PREX2: variants seen among roughly 807,000 people sequenced by gnomAD.
The protein encoded by PREX2 is phosphatidylinositol 3,4,5-trisphosphate-dependent Rac exchanger 2 protein.
PREX2 carries 107 observed loss-of-function variants against 203.2 expected under a neutral mutation model. That is an observed-to-expected ratio of 0.53 (90% CI 0.45 to 0.62). PREX2 has a LOEUF of 0.62. Ranked by LOEUF, PREX2 falls within the 20% of genes least tolerant of loss-of-function variation. PREX2 has a pLI of 0.00. For missense variants in PREX2, 1,777 were observed against 1,955.9 expected (o/e 0.91, Z 1.72); for synonymous variants, 672 against 663.6 (o/e 1.01, Z -0.19).
intron 1 of PREX2, among the ~76,000 whole-genome samples, chr8:68,009,470 T>C (rs1057305571): frequency 6.6e-6 from 1 of 152,214 alleles, no homozygotes; most frequent in African/African-American, 2.4e-5. Context: ...TCTATATAAG[T>C]ATTTGTATAA....
chr8:68,076,724 C>CACACAT (rs1303306098), intron 14 of PREX2, among the ~76,000 whole-genome samples: 1 of 145,892 alleles, frequency 6.9e-6, no homozygotes, highest in Non-Finnish European at 1.5e-5. Flanking sequence ...CACACACACA[C>CACACAT]ATGCATGTTC....
chr8:68,055,978 G>GGGTTGGGA lies in PREX2; in HGVS notation c.1238+6_1238+13dup. ...TCCCTAAATGCTTTCTTGGAAGGTA[G>GGGTTGGGA]GGTTGGGAGTTTGGGTGCATGACTT... On this transcript the variant is annotated splice_donor_region_variant and intron_variant, in intron 10 of 39. Transcript: ENST00000288368. The GGGTTGGGA allele has an allele frequency of 1.2e-6, 2 of 1,605,466 alleles. No homozygotes were observed. Among genetic ancestry groups the GGGTTGGGA allele is most frequent in the Non-Finnish European group, 1.7e-6 (2 of 1,177,574 alleles).
At chr8:68,048,006 G>A (rs865960422) in intron 8 of PREX2, among the ~76,000 whole-genome samples, 11 of 151,994 alleles carry the variant, frequency 7.2e-5, no homozygotes, top group Middle Eastern at 3.4e-3. Flanking sequence ...TTAAATGATG[G>A]TATGATGTGC....
At chr8:68,156,434 T>A (rs752097583) in intron 34 of PREX2, among the ~76,000 whole-genome samples, 1 of 152,242 alleles carries the variant, frequency 6.6e-6, no homozygotes, top group Non-Finnish European at 1.5e-5. Flanking sequence ...ATGTGTCATA[T>A]GTAATAGACG....
chr8:68,087,944 G>A, intron 19 of PREX2, 135 bp downstream of exon 19: 1 of 662,692 alleles, frequency 1.5e-6, no homozygotes, highest in Non-Finnish European at 2.7e-6. Flanking sequence ...TTAACTCAAT[G>A]GTAGCACATT....
chr8:68,214,116 T>C (rs1341230314), intron 37 of PREX2, among the ~76,000 whole-genome samples: 1 of 152,268 alleles, frequency 6.6e-6, no homozygotes, highest in Non-Finnish European at 1.5e-5. Flanking sequence ...AAACTCCATA[T>C]TGGGCTGGGC....
At chr8:67,996,404 A>G (rs976131666) in intron 1 of PREX2, among the ~76,000 whole-genome samples, 1 of 151,762 alleles carries the variant, frequency 6.6e-6, no homozygotes, top group Non-Finnish European at 1.5e-5. Flanking sequence ...ATGTTGCCCA[A>G]GTTGGTCTCA....
rs912103539 is a variant in PREX2 at position 68,109,430 on chromosome 8, A to G, written c.2953A>G (p.Met985Val). The G allele has an allele frequency of 4.3e-6, 7 of 1,613,806 alleles. No individual in the cohort carries two copies. Among genetic ancestry groups the G allele is most frequent in the East Asian group, 2.2e-5 (1 of 44,878 alleles). Reference sequence around the variant, plus strand: ...TAATTCCTCAGGGAAACTGAGCCCTATGGTGTACATTCAGCACACCATCAC... The same window carrying G: ...TAATTCCTCAGGGAAACTGAGCCCTGTGGTGTACATTCAGCACACCATCAC... ...KSSEQGKLSP[M>V]VYIQHTITTM... The change falls in exon 25 of 40, where the codon ATG (methionine) becomes GTG (valine). Residue 985 changes from methionine (M) to valine (V), a missense_variant. By Grantham distance (21) the Met-to-Val change is conservative. Coordinates refer to ENST00000288368, the MANE Select transcript of PREX2 (RefSeq NM_024870.4).
intron 17 of PREX2, 141 bp downstream of exon 17, chr8:68,080,979 C>T (rs1809501308): frequency 1.6e-6 from 1 of 642,446 alleles, no homozygotes; most frequent in Middle Eastern, 4.3e-4. Context: ...GATAATCTTA[C>T]TCACAGGTTC....
At chr8:68,161,995 T>C (rs1191720616) in intron 35 of PREX2, among the ~76,000 whole-genome samples, 1 of 152,102 alleles carries the variant, frequency 6.6e-6, no homozygotes, top group African/African-American at 2.4e-5. Flanking sequence ...AGAGAGAGCA[T>C]GTGCAGGGGA....
rs192389255 is a variant in PREX2 at position 68,194,383 on chromosome 8, G to C, written c.4604+1858G>C. Among the ~76,000 whole-genome samples, 3 of 152,222 alleles carry C rather than the reference G, an allele frequency of 2.0e-5. No individual in the cohort carries two copies. The East Asian group carries it at 5.8e-4, about 29-fold the overall frequency. ...AATTCAAAGGAATAAAGGAAGATAG[G>C]GTAGAGAAAAGATAGGCAGATTGAA... On this transcript the variant is annotated intron_variant, in intron 37 of 39. Coordinates refer to ENST00000288368, the MANE Select transcript of PREX2 (RefSeq NM_024870.4).
chr8:68,033,882 G>T (rs1807954943), intron 6 of PREX2, among the ~76,000 whole-genome samples: 1 of 152,092 alleles, frequency 6.6e-6, no homozygotes, highest in Non-Finnish European at 1.5e-5. Flanking sequence ...CCATTGAACA[G>T]ATTTAAAAAA....
rs141525093 is a variant in PREX2 at position 68,134,102 on chromosome 8, T to A, written c.3810T>A (p.Thr1270=). 26 of 1,614,040 alleles carry A rather than the reference T, an allele frequency of 1.6e-5. No individual in the cohort carries two copies. Among genetic ancestry groups the A allele is most frequent in the Non-Finnish European group, 1.6e-5 (19 of 1,180,010 alleles). The change falls in exon 32 of 40, where the codon ACT becomes ACA. Residue 1270 remains threonine, a synonymous_variant. Transcript: ENST00000288368. ...QLRRDMVFCQ[T]LVATVCAFSE... is the part of the protein sequence containing the mutation. ...GTAGAGACATGGTTTTCTGCCAGAC[T>A]CTTGTGGCCACTGTCTGTGCCTTCT...
At chr8:68,142,231 G>A (rs1257898309) in intron 33 of PREX2, among the ~76,000 whole-genome samples, 1 of 152,064 alleles carries the variant, frequency 6.6e-6, no homozygotes, top group Admixed American at 6.6e-5. Context: ...CACCATTATA[G>A]TATCATACAG....
chr8:68,118,667 G>T, intron 27 of PREX2, 23 bp downstream of exon 27: 1 of 1,548,052 alleles, frequency 6.5e-7, no homozygotes, highest in Non-Finnish European at 8.9e-7. Context: ...GTGAAGGCCT[G>T]TGGGCTTTTT....
intron 35 of PREX2, among the ~76,000 whole-genome samples, chr8:68,172,171 AT>A (rs748204834): frequency 2.0e-5 from 3 of 152,308 alleles, no homozygotes; most frequent in East Asian, 3.9e-4. Context: ...TTGAGAAGTG[AT>A]TCTCCCCTGG....
chr8:68,126,433 G>A (rs1810888484), intron 30 of PREX2, among the ~76,000 whole-genome samples: 1 of 152,012 alleles, frequency 6.6e-6, no homozygotes, highest in African/African-American at 2.4e-5. Context: ...AAGTAATTTA[G>A]CAATTTTCTA....
At chr8:68,141,078 A>G (rs1201154365) in intron 33 of PREX2, among the ~76,000 whole-genome samples, 1 of 152,188 alleles carries the variant, frequency 6.6e-6, no homozygotes, top group African/African-American at 2.4e-5. Flanking sequence ...GAACTTAGAC[A>G]CTAATGAGAG....
chr8:68,113,487 A>T (rs574417441), intron 25 of PREX2, among the ~76,000 whole-genome samples: 1 of 152,334 alleles, frequency 6.6e-6, no homozygotes, highest in South Asian at 2.1e-4. Flanking sequence ...ATAAATAGAC[A>T]ATCTGTCTTA....
Sources: gnomAD v4.1 joint callset for allele counts (sites outside exome capture counted in the v4.1 genomes callset) on GRCh38, gnomAD v4.1.1 for gene constraint, MANE v1.5 for transcripts, NCBI Gene and HGNC (gene_info 2026-07-23, HGNC 2026-07-21) for gene names.